The following BMP7 variants were observed in gnomAD, a reference collection of about 807,000 sequenced individuals.
BMP7 encodes osteogenic protein 1.
In BMP7, 12 loss-of-function variants were observed where a neutral mutation model predicts 41.2. The observed-to-expected ratio is 0.29, with a 90% CI of 0.19 to 0.47. The LOEUF (loss-of-function observed/expected upper bound fraction) is 0.47, where lower values mean the gene tolerates loss of function less well. BMP7 is among the 20% of genes least tolerant of loss of function. The pLI is 0.99. For missense variants in BMP7, 467 were observed against 606.0 expected (o/e 0.77, Z 2.41); for synonymous variants, 248 against 250.0 (o/e 0.99, Z 0.07).
rs1363913019 is a variant in BMP7 at position 57,209,263 on chromosome 20, A to T, written c.612-6640T>A. Among the ~76,000 whole-genome samples, 58 of 122,828 alleles carry T rather than the reference A, an allele frequency of 4.7e-4. No individual in the cohort carries two copies. In the Middle Eastern group the frequency reaches 0.012, roughly 24 times the overall value. 80.6% of individuals were successfully genotyped at this position (122,828 alleles called of 152,430 possible). A position where few individuals can be genotyped will look rare whatever the true frequency, so the allele number is the denominator to read the frequency against. Reference sequence around the variant, plus strand: ...TTTATATATTTTTATATATATATATATATATATATATATATATATATATGT... The same window carrying T: ...TTTATATATTTTTATATATATATATTTATATATATATATATATATATATGT... On this transcript the variant is annotated intron_variant, in intron 2 of 6. Transcript: ENST00000395863.
intron 1 of BMP7, among the ~76,000 whole-genome samples, chr20:57,241,976 G>A (rs2066071532): frequency 6.6e-6 from 1 of 152,160 alleles, no homozygotes; most frequent in African/African-American, 2.4e-5. Context: ...AAGAAAAATG[G>A]GCCGCAAGCA....
chr20:57,175,243 G>C (rs1983897274), intron 4 of BMP7, among the ~76,000 whole-genome samples: 1 of 152,206 alleles, frequency 6.6e-6, no homozygotes. Context: ...CTCTCATGTA[G>C]TCTTATCCCA....
chr20:57,216,402 T>A (rs230202), intron 2 of BMP7, among the ~76,000 whole-genome samples: 1 of 151,986 alleles, frequency 6.6e-6, no homozygotes, highest in Non-Finnish European at 1.5e-5. Flanking sequence ...GCTTGGAGAT[T>A]GTCAAAACAG....
chr20:57,225,822 C>T (rs1049277453), intron 2 of BMP7: 7 of 467,928 alleles, frequency 1.5e-5, no homozygotes, highest in African/African-American at 1.2e-4. Flanking sequence ...CACTGCTTCT[C>T]ACCCTATTCC....
intron 4 of BMP7, among the ~76,000 whole-genome samples, chr20:57,176,749 T>TACAC (rs773367826): frequency 0.016 from 439 of 28,174 alleles, 1 homozygote; most frequent in Admixed American, 0.028. Flanking sequence ...ACATTCTCCA[T>TACAC]TCACACACAC....
At chr20:57,229,437 A>G (rs2066020256) in intron 1 of BMP7, among the ~76,000 whole-genome samples, 1 of 152,176 alleles carries the variant, frequency 6.6e-6, no homozygotes, top group African/African-American at 2.4e-5. Context: ...CTAAGATGTC[A>G]TGTCCATTTC....
rs1984946289 is a variant in BMP7 at position 57,213,727 on chromosome 20, C to G, written c.612-11104G>C. ...AAATCCCCAGAGTGGTCCTCGGGTC[C>G]CACAGTGGGTGCTCAGGGATGTAGG... is the stretch of plus-strand genomic sequence containing the variant. On this transcript the variant is annotated intron_variant, in intron 2 of 6. Coordinates refer to ENST00000395863, the MANE Select transcript of BMP7 (RefSeq NM_001719.3). This position sits in a 1 kb window ranked among gnomAD's most constrained non-coding sequence, Gnocchi z 4.4. 6.6e-6 allele frequency among the ~76,000 whole-genome samples: 1 copy of G among 152,146 alleles called. No homozygotes were observed. The highest frequency in any genetic ancestry group is 2.4e-5 in the African/African-American group (1 of 41,438).
At chr20:57,182,274 G>T (rs1351906244) in intron 4 of BMP7, among the ~76,000 whole-genome samples, 1 of 152,144 alleles carries the variant, frequency 6.6e-6, no homozygotes, top group South Asian at 2.1e-4. Context: ...GATGCCCACA[G>T]TGCCAGCAGG....
intron 1 of BMP7, among the ~76,000 whole-genome samples, chr20:57,240,224 T>G (rs1301977836): frequency 6.6e-6 from 1 of 152,210 alleles, no homozygotes; most frequent in Non-Finnish European, 1.5e-5. Context: ...TTCCACCAGA[T>G]ACCCTAAATC....
At position 57,183,807 on chromosome 20, in the gene BMP7, G is replaced by A; in HGVS notation, c.873C>T (p.Ile291=). Reference sequence around the variant, plus strand: ...TGCGCTGTTTGCTCCCCGTGGACCGGATGCTGCGGAAGTGGACCTCCGTGG... The same window carrying A: ...TGCGCTGTTTGCTCCCCGTGGACCGAATGCTGCGGAAGTGGACCTCCGTGG... The part of the protein sequence containing the change: ...FKATEVHFRS[I]RSTGSKQRSQ... The change falls in exon 4 of 7, where the codon ATC becomes ATT. Residue 291 remains isoleucine (I), a synonymous_variant. Transcript: ENST00000395863. The A allele has an allele frequency of 6.2e-7, 1 of 1,614,190 alleles. No individual in the cohort carries two copies. Among genetic ancestry groups the A allele is most frequent in the East Asian group, 2.2e-5 (1 of 44,884 alleles).
At chr20:57,223,410 C>T (rs1260963418) in intron 2 of BMP7, among the ~76,000 whole-genome samples, 1 of 152,144 alleles carries the variant, frequency 6.6e-6, no homozygotes, top group African/African-American at 2.4e-5. Flanking sequence ...TTAAAAGCCT[C>T]TGTGATTCTA....
chr20:57,188,110 G>A (rs1317469727), intron 3 of BMP7, among the ~76,000 whole-genome samples: 4 of 152,122 alleles, frequency 2.6e-5, no homozygotes, highest in South Asian at 2.1e-4. Context: ...GTGTACCCAC[G>A]AGAACTGAAA....
At chr20:57,265,057 GA>G (rs35408577) in intron 1 of BMP7, among the ~76,000 whole-genome samples, 5 of 127,982 alleles carry the variant, frequency 3.9e-5, no homozygotes, top group African/African-American at 2.1e-4. Context: ...GAAAAGAAAA[GA>G]AAAAAAAAGA....
At chr20:57,194,743 G>C (rs929216000) in intron 3 of BMP7, among the ~76,000 whole-genome samples, 6 of 152,218 alleles carry the variant, frequency 3.9e-5, no homozygotes, top group Non-Finnish European at 8.8e-5. Context: ...GTAGAACTGT[G>C]ACCCCACATT....
chr20:57,186,028 A>G (rs145054738), intron 3 of BMP7, among the ~76,000 whole-genome samples: 80 of 147,432 alleles, frequency 5.4e-4, no homozygotes, highest in African/African-American at 1.7e-3. Context: ...CTAGCTCAGG[A>G]CAGAGCTTTG....
chr20:57,250,279 T>G (rs62205722), intron 1 of BMP7, among the ~76,000 whole-genome samples: 27,093 of 126,628 alleles, frequency 0.21, 2,591 homozygotes, highest in African/African-American at 0.24. Flanking sequence ...AAAATATATA[T>G]AGAGTATATT....
intron 1 of BMP7, among the ~76,000 whole-genome samples, chr20:57,247,959 A>G (rs1795513431): frequency 1.3e-5 from 2 of 152,218 alleles, no homozygotes; most frequent in Admixed American, 6.5e-5. Context: ...TCAGCAAACA[A>G]CTGGCTGTTG....
intron 2 of BMP7, chr20:57,226,072 G>A (rs984608499): frequency 9.6e-6 from 4 of 415,726 alleles, no homozygotes; most frequent in South Asian, 1.7e-5. Flanking sequence ...GCCTGGCAGG[G>A]AGGACGCCTG....
At chr20:57,257,625 G>A (rs1345204059) in intron 1 of BMP7, among the ~76,000 whole-genome samples, 1 of 152,138 alleles carries the variant, frequency 6.6e-6, no homozygotes, top group Non-Finnish European at 1.5e-5. Context: ...TGAAAAGGTA[G>A]TAGTGGGAAT....
Sources: gnomAD v4.1 joint callset for allele counts (sites outside exome capture counted in the v4.1 genomes callset) on GRCh38, gnomAD v4.1.1 for gene constraint, Gnocchi (gnomAD v3.1) non-coding constraint, MANE v1.5 for transcripts, NCBI Gene and HGNC (gene_info 2026-07-23, HGNC 2026-07-21) for gene names.